The following MAP3K15 variants were observed in gnomAD, a reference collection of about 807,000 sequenced individuals.
MAP3K15 encodes mitogen-activated protein kinase kinase kinase 15.
A neutral mutation model predicts 99.5 loss-of-function variants in MAP3K15; 124 were observed. The observed-to-expected ratio is 1.25, with a 90% CI of 1.08 to 1.45. The LOEUF (loss-of-function observed/expected upper bound fraction) is 1.45, where lower values mean the gene tolerates loss of function less well. Among genes scored for constraint, MAP3K15 ranks in the 40% most tolerant of loss-of-function variants. The pLI, the probability that MAP3K15 is intolerant of heterozygous loss-of-function variation, is 0.00. For missense variants in MAP3K15, 1,242 were observed against 1,079.7 expected (o/e 1.15, Z -2.11); for synonymous variants, 494 against 439.6 (o/e 1.12, Z -1.55).
intron 11 of MAP3K15, among the ~76,000 whole-genome samples, chrX:19,413,054 C>G (rs189841049): frequency 9.2e-6 from 1 of 109,066 alleles, no homozygotes; most frequent in Admixed American, 9.9e-5. Flanking sequence ...CCTCTACCCA[C>G]TTCCCTAAGG....
Position 19,361,515 on chromosome X carries a change from G to C in MAP3K15, c.3758C>G (p.Ala1253Gly), listed in dbSNP as rs1269620396. The change falls in exon 27 of 29, where the codon GCT becomes GGT. Residue 1253 changes from alanine (A) to glycine (G), a missense_variant. By Grantham distance (60) the Ala-to-Gly change is moderately conservative (BLOSUM62 0). Coordinates refer to ENST00000338883, the MANE Select transcript of MAP3K15 (RefSeq NM_001001671.4). ...TACCTTTTCAATTGTCTTTGCATCA[G>C]CTCCTTGCAGCCGCAACCAGTCTAT... is the stretch of plus-strand genomic sequence containing the variant. ...ELIDWLRLQG[A>G]DAKTIEKIVE... 4 of 1,210,300 alleles carry C rather than the reference G, an allele frequency of 3.3e-6. No individual in the cohort carries two copies. The South Asian group carries it at 5.3e-5, about 16-fold the overall frequency.
chrX:19,360,565 T>TGTTTA lies in MAP3K15; in HGVS notation c.*179_*183dup. ...TGTTTTCACAATACACACAGTTCTATGTTTATAAATAACAGGTTTCAAAAG... is the reference window on the plus strand; with the variant it reads ...TGTTTTCACAATACACACAGTTCTATGTTTAGTTTATAAATAACAGGTTTCAAAAG... On this transcript the variant is annotated 3_prime_UTR_variant, in exon 29 of 29. Coordinates refer to ENST00000338883, the MANE Select transcript of MAP3K15 (RefSeq NM_001001671.4). 2.5e-6 allele frequency: 1 copy of TGTTTA among 400,190 alleles called. No individual in the cohort carries two copies. Among genetic ancestry groups the TGTTTA allele is most frequent in the East Asian group, 4.4e-5 (1 of 22,489 alleles). 33.0% of individuals were successfully genotyped at this position (400,190 alleles called of 1,213,427 possible). A position where few individuals can be genotyped will look rare whatever the true frequency, so the allele number is the denominator to read the frequency against.
intron 3 of MAP3K15, among the ~76,000 whole-genome samples, chrX:19,471,948 C>A (rs1055546633): frequency 9.0e-6 from 1 of 111,721 alleles, no homozygotes; most frequent in South Asian, 3.7e-4. Context: ...AGGGGCCGGG[C>A]GCGGTGGCTC....
chrX:19,409,685 G>A (rs1484082056), intron 12 of MAP3K15, among the ~76,000 whole-genome samples: 2 of 111,819 alleles, frequency 1.8e-5, no homozygotes, highest in African/African-American at 3.3e-5. Flanking sequence ...TGGCACAAGT[G>A]AGTTTAGTCT....
chrX:19,514,346 A>AGG (rs1216727437), intron 1 of MAP3K15, among the ~76,000 whole-genome samples: 2 of 104,776 alleles, frequency 1.9e-5, no homozygotes, highest in East Asian at 6.1e-4. Context: ...ACTTGGGAGA[A>AGG]GGGGGGCTTG....
At chrX:19,394,863 G>A (rs12851626) in intron 16 of MAP3K15, among the ~76,000 whole-genome samples, 2 of 83,988 alleles carry the variant, frequency 2.4e-5, no homozygotes. Flanking sequence ...TTGCTCTGTC[G>A]CCCAGGCTGG....
At chrX:19,434,544 G>A (rs1234907434) in intron 6 of MAP3K15, among the ~76,000 whole-genome samples, 1 of 110,938 alleles carries the variant, frequency 9.0e-6, no homozygotes, top group African/African-American at 3.3e-5. Flanking sequence ...GGCCACAATA[G>A]GCTCTTTTAT....
chrX:19,424,637 C>A (rs2063815835), intron 9 of MAP3K15, among the ~76,000 whole-genome samples: 1 of 110,097 alleles, frequency 9.1e-6, no homozygotes, highest in East Asian at 2.8e-4. Context: ...TCTGTGTTTT[C>A]TTTCTTTATT....
chrX:19,390,542 A>G (rs1407963234), intron 18 of MAP3K15, among the ~76,000 whole-genome samples: 3 of 104,082 alleles, frequency 2.9e-5, no homozygotes, highest in Non-Finnish European at 5.8e-5. Context: ...ATTATATATA[A>G]CATATAATAT....
At chrX:19,439,554 A>T (rs954429397) in intron 6 of MAP3K15, among the ~76,000 whole-genome samples, 4 of 110,724 alleles carry the variant, frequency 3.6e-5, no homozygotes, top group African/African-American at 1.3e-4. Context: ...ACAGCCTTCA[A>T]CTCCCAGCCT....
chrX:19,418,152 A>C (rs1317822145), intron 9 of MAP3K15, among the ~76,000 whole-genome samples: 3 of 112,414 alleles, frequency 2.7e-5, no homozygotes, highest in Non-Finnish European at 5.6e-5. Flanking sequence ...CCTCCAAAGG[A>C]ACGCAGCTCC....
rs71917867 is a variant in MAP3K15, at chrX:19,394,835, TAA to T, written c.2194+244_2194+245del. 1.1e-4 allele frequency among the ~76,000 whole-genome samples: 6 copies of T among 53,112 alleles called. 1 individual carries two copies. The highest frequency in any genetic ancestry group is 6.5e-4 in the African/African-American group (6 of 9,223). 46.1% of individuals were successfully genotyped at this position (53,112 alleles called of 115,157 possible). ...TTTTTTTTTTTTTTTTTTTTTTTTT[TAA>T]AAAGAGTGATGGGTTTTGCTCTGTC... On this transcript the variant is annotated intron_variant, in intron 16 of 28. Coordinates refer to ENST00000338883, the MANE Select transcript of MAP3K15 (RefSeq NM_001001671.4).
intron 1 of MAP3K15, among the ~76,000 whole-genome samples, chrX:19,494,034 G>A (rs1211094770): frequency 2.7e-5 from 3 of 110,686 alleles, no homozygotes; most frequent in African/African-American, 9.9e-5. Context: ...TGTGCTCCTA[G>A]CAACCATTAC....
chrX:19,440,012 G>A (rs1337425009), intron 6 of MAP3K15, among the ~76,000 whole-genome samples: 5 of 111,439 alleles, frequency 4.5e-5, no homozygotes, highest in Non-Finnish European at 9.4e-5. Context: ...TGGGATGGAA[G>A]AAGCCAGCGC....
chrX:19,392,144 G>C (rs764709947), intron 17 of MAP3K15, 37 bp from the exon 18 acceptor site: 154 of 1,113,207 alleles, frequency 1.4e-4, no homozygotes, highest in Non-Finnish European at 1.9e-4. Flanking sequence ...TTAAAAGACA[G>C]GCTGAAACGA....
At chrX:19,427,657 T>G (rs2063842855) in intron 7 of MAP3K15, among the ~76,000 whole-genome samples, 1 of 111,621 alleles carries the variant, frequency 9.0e-6, no homozygotes, top group Non-Finnish European at 1.9e-5. Context: ...ATGAAAATTA[T>G]AGGCAGGAAA....
At chrX:19,437,046 C>G (rs1239099534) in intron 6 of MAP3K15, among the ~76,000 whole-genome samples, 1 of 111,753 alleles carries the variant, frequency 8.9e-6, no homozygotes, top group Admixed American at 9.6e-5. Context: ...GTTAAATGGC[C>G]AATCCATTCT....
At chrX:19,365,006 C>T (rs1342064926) in intron 25 of MAP3K15, among the ~76,000 whole-genome samples, 1 of 109,909 alleles carries the variant, frequency 9.1e-6, no homozygotes, top group Non-Finnish European at 1.9e-5. Flanking sequence ...GAGTTCAAGA[C>T]CAGCCTGGCC....
intron 19 of MAP3K15, among the ~76,000 whole-genome samples, chrX:19,375,870 T>C (rs2063413548): frequency 8.9e-6 from 1 of 112,117 alleles, no homozygotes; most frequent in African/African-American, 3.2e-5. Flanking sequence ...GAGTTACGGA[T>C]TCGAAGAACA....
Sources: gnomAD v4.1 joint callset for allele counts (sites outside exome capture counted in the v4.1 genomes callset) on GRCh38, gnomAD v4.1.1 for gene constraint, MANE v1.5 for transcripts, NCBI Gene and HGNC (gene_info 2026-07-23, HGNC 2026-07-21) for gene names.